Variants in NLRP4 observed in about 807,000 individuals in gnomAD.
NLRP4 encodes the protein NLR family pyrin domain containing 4.
A neutral mutation model predicts 84.7 loss-of-function variants in NLRP4; 44 were observed. The ratio of observed to expected loss-of-function variants is 0.52; its 90% CI spans 0.41 to 0.67. The LOEUF (loss-of-function observed/expected upper bound fraction) is 0.67, where lower values mean the gene tolerates loss of function less well. Ranked by LOEUF, NLRP4 falls within the 30% of genes least tolerant of loss-of-function variation. NLRP4 has a pLI of 0.00. For missense variants in NLRP4, 1,260 were observed against 1,219.4 expected (o/e 1.03, Z -0.50); for synonymous variants, 544 against 476.4 (o/e 1.14, Z -1.85).
At chr19:55,859,807 A>G (rs1984652962) in intron 3 of NLRP4, among the ~76,000 whole-genome samples, 1 of 151,004 alleles carries the variant, frequency 6.6e-6, no homozygotes, top group Non-Finnish European at 1.5e-5. Context: ...CACACCTGTA[A>G]TCCCAGCTAC....
chr19:55,881,136 C>CGTGTGTGTGT (rs56806641), intron 9 of NLRP4, among the ~76,000 whole-genome samples: 2,488 of 139,560 alleles, frequency 0.018, 64 homozygotes, highest in Admixed American at 0.058. Context: ...GTGAGAGCCA[C>CGTGTGTGTGT]GTGTGTGTGT....
At chr19:55,880,524 G>A (rs1331211382) in intron 9 of NLRP4, among the ~76,000 whole-genome samples, 1 of 152,116 alleles carries the variant, frequency 6.6e-6, no homozygotes, top group Non-Finnish European at 1.5e-5. Flanking sequence ...TGATAACTAT[G>A]GCAGAACTAA....
At chr19:55,843,451 G>A (rs1248698084) in intron 1 of NLRP4, among the ~76,000 whole-genome samples, 1 of 152,036 alleles carries the variant, frequency 6.6e-6, no homozygotes, top group Non-Finnish European at 1.5e-5. Context: ...AGCAGTTTGG[G>A]AGGCAGAGGC....
rs184735928 is a variant in NLRP4 at position 55,860,262 on chromosome 19, G to T, written c.1856+1013G>T. Among the ~76,000 whole-genome samples the T allele has an allele frequency of 4.5e-3, 679 of 152,222 alleles. 5 individuals carry two copies. The highest frequency in any genetic ancestry group is 0.016 in the African/African-American group (653 of 41,536). On this transcript the variant is annotated intron_variant, in intron 3 of 9. Transcript: ENST00000301295. ...GGCCTCTCAAAGTGCTGGGATTACA[G>T]GCGTGAGCCACCGTGCCCGGCCAAA...
rs557567695 is a variant in NLRP4, at chr19:55,858,950, T to C, written c.1557T>C (p.Phe519=). ...AACAAGAAAAACTGGATGCGTTTTT[T>C]GGCTTCCAACTGTCCCAAGAGATAA... ...KKEQEKLDAF[F]GFQLSQEIKQ... The change falls in exon 3 of 10, where the codon TTT becomes TTC. Residue 519 remains phenylalanine, a synonymous_variant. Transcript: ENST00000301295. The surrounding 1 kb of genome is among the most constrained non-coding windows in gnomAD (Gnocchi z 4.2). The C allele has an allele frequency of 6.2e-7, 1 of 1,614,182 alleles. No individual in the cohort carries two copies. The highest frequency in any genetic ancestry group is 1.1e-5 in the South Asian group (1 of 91,084).
intron 7 of NLRP4, among the ~76,000 whole-genome samples, chr19:55,871,874 A>G (rs1985197399): frequency 6.6e-6 from 1 of 150,560 alleles, no homozygotes; most frequent in South Asian, 2.1e-4. Flanking sequence ...GAGACAGAAG[A>G]GTCTCGCTCT....
Position 55,852,239 on chromosome 19 carries a change from A to C in NLRP4, c.159A>C (p.Glu53Asp). 2 of 1,610,136 alleles carry C rather than the reference A, an allele frequency of 1.2e-6. No individual in the cohort carries two copies. The highest frequency in any genetic ancestry group is 1.7e-6 in the Non-Finnish European group (2 of 1,178,960). The change falls in exon 2 of 10, where the codon GAA becomes GAC. Residue 53 changes from glutamate (E) to aspartate (D), a missense_variant. Glu to Asp is a conservative substitution (Grantham distance 45, BLOSUM62 2). Around this residue, in one of 3 missense-constraint regions of NLRP4, gnomAD observed 712 missense variants for 669.2 expected, o/e 1.06. Coordinates refer to ENST00000301295, the MANE Select transcript of NLRP4 (RefSeq NM_134444.5). Reference sequence around the variant, plus strand: ...CTGAGGTCAAAAAAGCATCCCGGGAAGAACTTGCAAACCTCTTGATCAAGC... The same window carrying C: ...CTGAGGTCAAAAAAGCATCCCGGGACGAACTTGCAAACCTCTTGATCAAGC... Reference protein sequence around the residue: ...PWTEVKKASREELANLLIKHY... With the variant: ...PWTEVKKASRDELANLLIKHY...
rs117636433 is a variant in NLRP4, at chr19:55,858,737, C to T, written c.1344C>T (p.Tyr448=). Residue 448 remains tyrosine (Y), a synonymous_variant, in exon 3 of 10, where the codon TAC becomes TAT. Coordinates refer to ENST00000301295, the MANE Select transcript of NLRP4 (RefSeq NM_134444.5). This position sits in a 1 kb window ranked among gnomAD's most constrained non-coding sequence, Gnocchi z 4.2. ...AGTACGGGGAGCGTGAGAGCTCCTA[C>T]GTGTTCCTCCACGTGTGTATCCAGG... ...LLKYGERESS[Y]VFLHVCIQEF... is the part of the protein sequence containing the mutation. 3,779 of 1,614,082 alleles carry T rather than the reference C, an allele frequency of 2.3e-3. 17 individuals carry two copies. The highest frequency in any genetic ancestry group is 0.019 in the East Asian group (850 of 44,872).
At chr19:55,851,359 G>A in intron 1 of NLRP4, among the ~76,000 whole-genome samples, 1 of 83,882 alleles carries the variant, frequency 1.2e-5, no homozygotes, top group South Asian at 4.4e-4. Context: ...CCGTGGCTGC[G>A]GTGTAATGTC....
In NLRP4 at chr19:55,862,026, C is replaced by T. The variant is rs145824213; in HGVS notation, c.2053C>T (p.Leu685=). Residue 685 remains leucine, a synonymous_variant, in exon 5 of 10, where the codon CTG becomes TTG. Coordinates refer to ENST00000301295, the MANE Select transcript of NLRP4 (RefSeq NM_134444.5). The stretch of plus-strand genomic sequence containing the variant: ...CGTTTCCTTTTCTGGCCAGAGTGTT[C>T]TGCTCTTTGAGGTGCTCTTTTATCA... ...NNVSFSGQSV[L]LFEVLFYQPD... The T allele has an allele frequency of 6.8e-6, 11 of 1,613,886 alleles. No individual in the cohort carries two copies. Among genetic ancestry groups the T allele is most frequent in the Middle Eastern group, 1.6e-4 (1 of 6,082 alleles).
At chr19:55,863,927 C>A (rs1263819753) in intron 5 of NLRP4, among the ~76,000 whole-genome samples, 2 of 152,196 alleles carry the variant, frequency 1.3e-5, no homozygotes, top group Middle Eastern at 3.2e-3. Context: ...TCAAATACTT[C>A]TCTATACTAG....
chr19:55,867,860 G>A lies in NLRP4; in HGVS notation c.2338G>A (p.Val780Ile). Residue 780 changes from valine (V) to isoleucine (I), a missense_variant, in exon 6 of 10, where the codon GTC becomes ATC. Around this residue, in one of 3 missense-constraint regions of NLRP4, gnomAD observed 544 missense variants for 531.7 expected, o/e 1.02. Transcript: ENST00000301295. Reference sequence around the variant, plus strand: ...TGAAGCCCTGTGCAGCCCAGACACGGTCCTGGTATACCTGATGTGAGTGGA... The same window carrying A: ...TGAAGCCCTGTGCAGCCCAGACACGATCCTGGTATACCTGATGTGAGTGGA... The part of the protein sequence containing the change: ...LCEALCSPDT[V>I]LVYLMLAFCH... The A allele has an allele frequency of 6.2e-7, 1 of 1,614,146 alleles. No individual in the cohort carries two copies. Among genetic ancestry groups the A allele is most frequent in the Non-Finnish European group, 8.5e-7 (1 of 1,179,980 alleles).
At position 55,852,319 on chromosome 19, in the gene NLRP4, A is replaced by C; in HGVS notation, c.239A>C (p.Asp80Ala). The change falls in exon 2 of 10, where the codon GAT (aspartate) becomes GCT (alanine). Residue 80 changes from aspartate (D) to alanine (A), a missense_variant. By Grantham distance (126) the Asp-to-Ala change is moderately radical. Coordinates refer to ENST00000301295, the MANE Select transcript of NLRP4 (RefSeq NM_134444.5). ...NITLRIFQKM[D>A]RKDLCMKVMR... is the part of the protein sequence containing the mutation. ...ACCTTAAGAATCTTTCAAAAGATGGATAGAAAGGATCTCTGCATGAAGGTC... is the reference window on the plus strand; with the variant it reads ...ACCTTAAGAATCTTTCAAAAGATGGCTAGAAAGGATCTCTGCATGAAGGTC... 1 of 1,606,914 alleles carries C rather than the reference A, an allele frequency of 6.2e-7. No homozygotes were observed. Among genetic ancestry groups the C allele is most frequent in the Non-Finnish European group, 8.5e-7 (1 of 1,177,614 alleles).
intron 5 of NLRP4, among the ~76,000 whole-genome samples, chr19:55,866,989 CTG>C (rs1333037134): frequency 6.6e-6 from 1 of 152,048 alleles, no homozygotes; most frequent in East Asian, 1.9e-4. Context: ...ATAACTGACA[CTG>C]TGCGTCTCAG....
At position 55,858,268 on chromosome 19, in the gene NLRP4, C is replaced by G. The variant is rs773620204; in HGVS notation, c.875C>G (p.Thr292Arg). The change falls in exon 3 of 10, where the codon ACG (threonine) becomes AGG (arginine). Residue 292 changes from threonine (T) to arginine (R), a missense_variant. Thr to Arg is a moderately conservative substitution (Grantham distance 71). Around this residue, in one of 3 missense-constraint regions of NLRP4, gnomAD observed 712 missense variants for 669.2 expected, o/e 1.06. Coordinates refer to ENST00000301295, the MANE Select transcript of NLRP4 (RefSeq NM_134444.5). The surrounding 1 kb of genome is among the most constrained non-coding windows in gnomAD (Gnocchi z 4.2). ...VCPKELRDQV[T>R]ISEIYQPRGF... ...CCGAAGGAGCTCCGGGATCAGGTGA[C>G]GATCTCAGAAATCTACCAGCCCCGG... 10 of 1,614,140 alleles carry G rather than the reference C, an allele frequency of 6.2e-6. No homozygotes were observed. The Admixed American group carries it at 1.0e-4, about 16-fold the overall frequency.
chr19:55,876,236 C>T (rs7245535), intron 7 of NLRP4, among the ~76,000 whole-genome samples: 29,455 of 152,034 alleles, frequency 0.19, 3,137 homozygotes, highest in East Asian at 0.26. Context: ...GGATAGACCT[C>T]CAACAAACGA....
At chr19:55,867,995 C>A in intron 6 of NLRP4, 119 bp downstream of exon 6, 1 of 870,216 alleles carries the variant, frequency 1.1e-6, no homozygotes, top group Non-Finnish European at 1.8e-6. Flanking sequence ...AAAGCTCACG[C>A]TTAAGAATCA....
At chr19:55,850,815 C>G (rs1246770135) in intron 1 of NLRP4, among the ~76,000 whole-genome samples, 2 of 113,868 alleles carry the variant, frequency 1.8e-5, no homozygotes, top group Non-Finnish European at 3.4e-5. Flanking sequence ...ATTTCCGAGG[C>G]TGCGGTGTAA....
intron 1 of NLRP4, among the ~76,000 whole-genome samples, chr19:55,845,947 C>G (rs892108114): frequency 2.6e-5 from 4 of 151,420 alleles, no homozygotes; most frequent in Non-Finnish European, 4.4e-5. Context: ...GAGTAGGTTG[C>G]GAAAATTTTC....
Sources: allele counts gnomAD v4.1 joint callset (sites outside exome capture counted in the v4.1 genomes callset), GRCh38; gene constraint gnomAD v4.1.1; regional missense constraint gnomAD v4.1.1; non-coding constraint Gnocchi (gnomAD v3.1); transcripts MANE v1.5; gene names NCBI Gene and HGNC (gene_info 2026-07-23, HGNC 2026-07-21).